TMLHE: variants seen among roughly 807,000 people sequenced by gnomAD.
The protein encoded by TMLHE is trimethyllysine dioxygenase, mitochondrial.
Under a neutral mutation model 25.7 loss-of-function variants are expected in TMLHE, and 18 were observed. That is an observed-to-expected ratio of 0.70 (90% confidence interval 0.48 to 1.04). The LOEUF (loss-of-function observed/expected upper bound fraction) is 1.04. Ranked by LOEUF, TMLHE falls within the 50% of genes least tolerant of loss-of-function variation. The probability of loss-of-function intolerance (pLI) is 0.00; values close to 1 mark genes in which losing one functional copy is unlikely to be tolerated. For synonymous variants in TMLHE, 105 were observed against 97.0 expected, an observed-to-expected ratio of 1.08 and a Z score of -0.49; for missense variants, 236 against 259.0, an observed-to-expected ratio of 0.91 and a Z score of 0.61.
chrX:155,553,986 ATT>A lies in TMLHE; in HGVS notation c.-1-8711_-1-8710del, dbSNP rs782567170. Among the ~76,000 whole-genome samples, 123 of 16,713 alleles carry A rather than the reference ATT, an allele frequency of 7.4e-3. 3 individuals carry two copies. Among genetic ancestry groups the A allele is most frequent in the African/African-American group, 0.014 (118 of 8,507 alleles). 14.5% of individuals were successfully genotyped at this position (16,713 alleles called of 115,157 possible). A position where few individuals can be genotyped will look rare whatever the true frequency, so the allele number is the denominator to read the frequency against. On this transcript the variant is annotated intron_variant, in intron 1 of 7. Coordinates refer to ENST00000334398, the MANE Select transcript of TMLHE (RefSeq NM_018196.4). ...CCACATGACATTACTATTTTTATTC[ATT>A]CATTCATTCATTCATTCATTCATTC...
chrX:155,605,574 TTAC>T (rs782738434), intron 1 of TMLHE, among the ~76,000 whole-genome samples: 106 of 111,837 alleles, frequency 9.5e-4, no homozygotes, highest in Non-Finnish European at 1.8e-3. Flanking sequence ...CAGGCCTGCC[TTAC>T]AAGAGGTCCT....
At chrX:155,536,514 C>T (rs1366528903) in intron 2 of TMLHE, among the ~76,000 whole-genome samples, 1 of 111,152 alleles carries the variant, frequency 9.0e-6, no homozygotes, top group African/African-American at 3.3e-5. Flanking sequence ...TTCAATATAT[C>T]CCCTCATTTT....
intron 1 of TMLHE, among the ~76,000 whole-genome samples, chrX:155,577,826 T>G (rs2067600756): frequency 9.0e-6 from 1 of 110,859 alleles, no homozygotes; most frequent in African/African-American, 3.3e-5. Flanking sequence ...AAAGAAGAGA[T>G]CAGGCACTTT....
At chrX:155,588,380 C>T (rs2067676575) in intron 1 of TMLHE, among the ~76,000 whole-genome samples, 1 of 111,679 alleles carries the variant, frequency 9.0e-6, no homozygotes, top group African/African-American at 3.3e-5. Flanking sequence ...AAGCATGACC[C>T]AAACCGTTTA....
Position 155,567,504 on chromosome X carries a change from A to T in TMLHE, c.-1-22227T>A, listed in dbSNP as rs1335323450. Among the ~76,000 whole-genome samples the T allele has an allele frequency of 3.2e-5, 2 of 62,305 alleles. 1 individual carries two copies. Among genetic ancestry groups the T allele is most frequent in the Non-Finnish European group, 9.0e-5 (2 of 22,258 alleles). 54.1% of individuals were successfully genotyped at this position (62,305 alleles called of 115,157 possible). A position where few individuals can be genotyped will look rare whatever the true frequency, so the allele number is the denominator to read the frequency against. On this transcript the variant is annotated intron_variant, in intron 1 of 7. Transcript: ENST00000334398. Reference sequence around the variant, plus strand: ...CATAATAGATACCTAAAATAAATACAGGGGACACAGGAATAGCTGAGTGAG... The same window carrying T: ...CATAATAGATACCTAAAATAAATACTGGGGACACAGGAATAGCTGAGTGAG...
chrX:155,583,529 G>C (rs2067645776), intron 1 of TMLHE, among the ~76,000 whole-genome samples: 1 of 94,859 alleles, frequency 1.1e-5, no homozygotes, highest in Non-Finnish European at 2.0e-5. Context: ...ACCATATCAA[G>C]CACTATTCAC....
At position 155,548,534 on chromosome X, in the gene TMLHE, G is replaced by GATA. The variant is rs1569562092; in HGVS notation, c.-1-3258_-1-3257insTAT. The stretch of plus-strand genomic sequence containing the variant: ...GCGGATCACAAGGTCAGCAGTATGA[G>GATA]GCCAGCCTGACTAACATGGTGAAAC... On this transcript the variant is annotated intron_variant, in intron 1 of 7. Coordinates refer to ENST00000334398, the MANE Select transcript of TMLHE (RefSeq NM_018196.4). 2.8e-5 allele frequency among the ~76,000 whole-genome samples: 3 copies of GATA among 108,812 alleles called. No individual in the cohort carries two copies. The East Asian group carries it at 8.7e-4, about 32-fold the overall frequency. The allele number at this position is 108,812 out of a possible 115,157, so 94.5% of individuals were successfully genotyped here. A position where few individuals can be genotyped will look rare whatever the true frequency, so the allele number is the denominator to read the frequency against.
intron 2 of TMLHE, among the ~76,000 whole-genome samples, chrX:155,540,293 G>GA (rs1383764469): frequency 9.0e-6 from 1 of 111,187 alleles, no homozygotes; most frequent in Non-Finnish European, 1.9e-5. Flanking sequence ...AAAGTGGCAA[G>GA]AAAAAATGAC....
intron 1 of TMLHE, among the ~76,000 whole-genome samples, chrX:155,553,953 C>A (rs1388606151): frequency 9.3e-6 from 1 of 108,060 alleles, no homozygotes; most frequent in Non-Finnish European, 1.9e-5. Flanking sequence ...ATTGCATACA[C>A]ATGCACGCCA....
chrX:155,535,092 T>C (rs919377754), intron 2 of TMLHE, among the ~76,000 whole-genome samples: 1 of 111,845 alleles, frequency 8.9e-6, no homozygotes, highest in Non-Finnish European at 1.9e-5. Context: ...ATGTTGGATT[T>C]TGTAGCCTCC....
At chrX:155,609,738 C>T (rs1422842263) in intron 1 of TMLHE, among the ~76,000 whole-genome samples, 1 of 111,514 alleles carries the variant, frequency 9.0e-6, no homozygotes, top group African/African-American at 3.3e-5. Flanking sequence ...AGACATTTCT[C>T]CAAAGAACAT....
chrX:155,605,287 A>C (rs1376995926), intron 1 of TMLHE, among the ~76,000 whole-genome samples: 1 of 111,925 alleles, frequency 8.9e-6, no homozygotes, highest in Non-Finnish European at 1.9e-5. Context: ...ACTAGAAAGG[A>C]CAACATTCAA....
intron 2 of TMLHE, among the ~76,000 whole-genome samples, chrX:155,533,052 T>C (rs1557337245): frequency 9.0e-6 from 1 of 111,681 alleles, no homozygotes; most frequent in Non-Finnish European, 1.9e-5. Flanking sequence ...TGGAGGAAAT[T>C]AGCATTTAAA....
intron 1 of TMLHE, among the ~76,000 whole-genome samples, chrX:155,583,462 C>T (rs2067644989): frequency 9.3e-6 from 1 of 107,391 alleles, no homozygotes; most frequent in African/African-American, 3.4e-5. Context: ...CAGGTCCCTC[C>T]CACCCTCCCA....
chrX:155,539,825 A>C (rs1168649244), intron 2 of TMLHE, among the ~76,000 whole-genome samples: 3 of 111,037 alleles, frequency 2.7e-5, no homozygotes, highest in African/African-American at 9.8e-5. Flanking sequence ...ACAAAATAAG[A>C]ATATCAACAA....
intron 2 of TMLHE, among the ~76,000 whole-genome samples, chrX:155,539,346 T>C (rs2067297785): frequency 9.0e-6 from 1 of 111,258 alleles, no homozygotes; most frequent in African/African-American, 3.3e-5. Context: ...CAGACAGACA[T>C]TATGTGGAGC....
At chrX:155,536,267 G>C (rs782103012) in intron 2 of TMLHE, among the ~76,000 whole-genome samples, 3 of 111,189 alleles carry the variant, frequency 2.7e-5, no homozygotes, top group Non-Finnish European at 5.7e-5. Context: ...AATCCTGGTA[G>C]GTATTCATTA....
chrX:155,554,605 G>C (rs2067436540), intron 1 of TMLHE, among the ~76,000 whole-genome samples: 1 of 108,839 alleles, frequency 9.2e-6, no homozygotes, highest in Non-Finnish European at 1.9e-5. Context: ...CCTAGATGAG[G>C]GTTTTTTATT....
chrX:155,591,695 T>C (rs1460729206), intron 1 of TMLHE, among the ~76,000 whole-genome samples: 1 of 111,752 alleles, frequency 8.9e-6, no homozygotes, highest in Non-Finnish European at 1.9e-5. Flanking sequence ...AGACTAAAGA[T>C]AACAAGTGTG....
Sources: allele counts gnomAD v4.1 joint callset (sites outside exome capture counted in the v4.1 genomes callset), GRCh38; gene constraint gnomAD v4.1.1; transcripts MANE v1.5; gene names NCBI Gene and HGNC (gene_info 2026-07-23, HGNC 2026-07-21).